The following SNX29 variants were observed in gnomAD, a reference collection of about 807,000 sequenced individuals.
The protein encoded by SNX29 is sorting nexin 29, also known as sorting nexin-29.
SNX29 carries 78 observed loss-of-function variants against 102.1 expected under a neutral mutation model. That is an observed-to-expected ratio of 0.76 (90% CI 0.64 to 0.92). SNX29 has a LOEUF of 0.92. Among genes scored for constraint, SNX29 ranks in the 40% least tolerant of loss-of-function variants. The pLI, the probability that SNX29 is intolerant of heterozygous loss-of-function variation, is 0.00. For missense variants in SNX29, 1,280 were observed against 1,061.7 expected, an observed-to-expected ratio of 1.21 and a Z score of -2.86; for synonymous variants, 580 against 414.5, an observed-to-expected ratio of 1.40 and a Z score of -4.85.
At chr16:12,476,311 C>G (rs1421309238) in intron 18 of SNX29, among the ~76,000 whole-genome samples, 1 of 111,814 alleles carries the variant, frequency 8.9e-6, no homozygotes, top group East Asian at 3.1e-4. Context: ...GAGACTTCGT[C>G]TCAAAAAAAA....
chr16:12,052,839 T>C (rs1400193144), intron 8 of SNX29: 2 of 153,992 alleles, frequency 1.3e-5, no homozygotes, highest in African/African-American at 4.8e-5. Context: ...CCTGTTATTG[T>C]TTTTTATTTT....
rs778059416 is a variant in SNX29, at chr16:12,061,560, T to C, written c.1157T>C (p.Met386Thr). 6.2e-7 allele frequency: 1 copy of C among 1,609,974 alleles called. No individual in the cohort carries two copies. The highest frequency in any genetic ancestry group is 8.5e-7 in the Non-Finnish European group (1 of 1,178,614). Residue 386 changes from methionine (M) to threonine (T), a missense_variant, in exon 9 of 21, where the codon ATG becomes ACG. Met to Thr is a moderately conservative substitution (Grantham distance 81). Coordinates refer to ENST00000566228, the MANE Select transcript of SNX29 (RefSeq NM_032167.5). ...PLEGNTCLSQ[M>T]HSWAPLKVLH... ...GAAGGGAACACCTGCCTCTCCCAGA[T>C]GCACAGCTGGGCTCCGCTGAAGGTG...
At position 12,082,532 on chromosome 16, in the gene SNX29, C is replaced by T. The variant is rs901524959; in HGVS notation, c.1402+3617C>T. Among the ~76,000 whole-genome samples, 5 of 143,580 alleles carry T rather than the reference C, an allele frequency of 3.5e-5. No individual in the cohort carries two copies. In the East Asian group the frequency reaches 6.3e-4, roughly 18 times the overall value. 94.2% of individuals were successfully genotyped at this position (143,580 alleles called of 152,430 possible). ...GCTCGAGTTAGGCCAGTGACAGAGG[C>T]GTAGATTGTTTTTCTTGTTTTGACT... On this transcript the variant is annotated intron_variant, in intron 11 of 20. Coordinates refer to ENST00000566228, the MANE Select transcript of SNX29 (RefSeq NM_032167.5).
chr16:12,546,964 A>C (rs2077644429), intron 20 of SNX29, among the ~76,000 whole-genome samples: 1 of 152,130 alleles, frequency 6.6e-6, no homozygotes, highest in Admixed American at 6.5e-5. Flanking sequence ...CCCTCCATCC[A>C]CCCATTCCTC....
chr16:12,261,176 A>T (rs1320981798), intron 14 of SNX29, among the ~76,000 whole-genome samples: 1 of 141,800 alleles, frequency 7.1e-6, no homozygotes, highest in Admixed American at 7.2e-5. Context: ...GGCTGGAGTG[A>T]GTGTTTGCTG....
At chr16:12,130,184 A>G (rs1286336538) in intron 13 of SNX29, among the ~76,000 whole-genome samples, 2 of 150,498 alleles carry the variant, frequency 1.3e-5, no homozygotes, top group Non-Finnish European at 1.5e-5. Flanking sequence ...TTTTAGTTAA[A>G]AAAAAAAAAA....
intron 18 of SNX29, among the ~76,000 whole-genome samples, chr16:12,420,780 C>A (rs892729547): frequency 4.6e-5 from 7 of 152,134 alleles, no homozygotes; most frequent in African/African-American, 1.4e-4. Context: ...AAATGATGGA[C>A]GCATGAGTCA....
At chr16:12,268,423 A>G (rs1320440504) in intron 14 of SNX29, among the ~76,000 whole-genome samples, 2 of 152,350 alleles carry the variant, frequency 1.3e-5, no homozygotes, top group African/African-American at 4.8e-5. Flanking sequence ...GGTCTGTTTC[A>G]TCGCAGAGCT....
chr16:12,390,638 C>T (rs2083497014), intron 16 of SNX29, among the ~76,000 whole-genome samples: 1 of 152,114 alleles, frequency 6.6e-6, no homozygotes, highest in Non-Finnish European at 1.5e-5. Flanking sequence ...GCTGCCAAAC[C>T]CCAAAACCAC....
intron 15 of SNX29, among the ~76,000 whole-genome samples, chr16:12,284,281 C>T (rs778198767): frequency 3.9e-5 from 6 of 152,260 alleles, no homozygotes; most frequent in Non-Finnish European, 8.8e-5. Flanking sequence ...GGGCACGCCC[C>T]CTAACCTCTC....
intron 17 of SNX29, among the ~76,000 whole-genome samples, chr16:12,400,986 C>A (rs932837923): frequency 6.6e-6 from 1 of 152,230 alleles, no homozygotes; most frequent in Admixed American, 6.5e-5. Flanking sequence ...CCACACCCGG[C>A]TATGATTTTT....
At chr16:12,513,568 G>T (rs954012113) in intron 19 of SNX29, among the ~76,000 whole-genome samples, 3 of 152,058 alleles carry the variant, frequency 2.0e-5, no homozygotes, top group Non-Finnish European at 4.4e-5. Flanking sequence ...CTAGAAAAAG[G>T]CCTGATGAAC....
intron 16 of SNX29, among the ~76,000 whole-genome samples, chr16:12,371,965 A>AT (rs1382453907): frequency 2.0e-5 from 3 of 152,022 alleles, no homozygotes; most frequent in Non-Finnish European, 2.9e-5. Context: ...ATGGTTTAAC[A>AT]TTTTTTCTAA....
intron 20 of SNX29, chr16:12,560,767 C>T (rs932381113): frequency 4.0e-5 from 7 of 174,196 alleles, no homozygotes; most frequent in East Asian, 3.0e-4. Context: ...ATAGGATTTA[C>T]CCTCTGTGCT....
intron 17 of SNX29, 95 bp downstream of exon 17, chr16:12,398,596 A>G: frequency 7.3e-7 from 1 of 1,377,080 alleles, no homozygotes; most frequent in Non-Finnish European, 1.0e-6. Context: ...AACAGAAATC[A>G]CTGTTGAGAC....
intron 6 of SNX29, among the ~76,000 whole-genome samples, chr16:12,046,656 G>C (rs1015670995): frequency 4.6e-5 from 7 of 152,216 alleles, no homozygotes; most frequent in African/African-American, 1.7e-4. Context: ...GCCTCACTCT[G>C]TTGCCCAGGC....
chr16:12,024,866 A>G (rs1314319635), intron 3 of SNX29, among the ~76,000 whole-genome samples: 1 of 152,124 alleles, frequency 6.6e-6, no homozygotes, highest in Non-Finnish European at 1.5e-5. Context: ...CATACCCCAG[A>G]GTTTTTTTGT....
At chr16:12,073,566 C>A (rs914555671) in intron 10 of SNX29, among the ~76,000 whole-genome samples, 1 of 152,068 alleles carries the variant, frequency 6.6e-6, no homozygotes, top group Non-Finnish European at 1.5e-5. Context: ...TTTACATTTG[C>A]TGAGGAGAGC....
At chr16:12,410,673 A>G (rs546034568) in intron 18 of SNX29, among the ~76,000 whole-genome samples, 25 of 151,946 alleles carry the variant, frequency 1.6e-4, no homozygotes, top group African/African-American at 4.8e-4. Flanking sequence ...GTCTCAAGTG[A>G]TCTTCCCACT....
Sources: allele counts gnomAD v4.1 joint callset (sites outside exome capture counted in the v4.1 genomes callset), GRCh38; gene constraint gnomAD v4.1.1; transcripts MANE v1.5; gene names NCBI Gene and HGNC (gene_info 2026-07-23, HGNC 2026-07-21).